BICC1: variants seen among roughly 807,000 people sequenced by gnomAD.
The protein encoded by BICC1 is BicC family RNA binding protein 1.
Under a neutral mutation model 111.0 loss-of-function variants are expected in BICC1, and 43 were observed. The observed-to-expected ratio is 0.39, with a 90% confidence interval of 0.30 to 0.50. The LOEUF is 0.50. Ranked by LOEUF, BICC1 falls within the 20% of genes least tolerant of loss-of-function variation. BICC1 has a pLI of 0.88. For synonymous variants in BICC1, 467 were observed against 434.4 expected (o/e 1.07, Z -0.93); for missense variants, 1,091 against 1,203.2 (o/e 0.91, Z 1.38).
At chr10:58,742,136 T>C (rs1841686706) in intron 3 of BICC1, among the ~76,000 whole-genome samples, 1 of 139,088 alleles carries the variant, frequency 7.2e-6, no homozygotes, top group Non-Finnish European at 1.5e-5. Flanking sequence ...TGTCTGAAAC[T>C]GCCAAAGTAG....
At chr10:58,713,851 G>A (rs972147269) in intron 3 of BICC1, among the ~76,000 whole-genome samples, 2 of 152,096 alleles carry the variant, frequency 1.3e-5, no homozygotes, top group African/African-American at 4.8e-5. Context: ...TGTTCTTCAT[G>A]GTATCTTTCT....
chr10:58,772,679 C>G (rs1305422751), intron 3 of BICC1, among the ~76,000 whole-genome samples: 1 of 152,126 alleles, frequency 6.6e-6, no homozygotes, highest in African/African-American at 2.4e-5. Context: ...TGCACGTGTA[C>G]ATAGTCTTTG....
intron 15 of BICC1, among the ~76,000 whole-genome samples, chr10:58,804,036 G>A (rs912940280): frequency 6.6e-6 from 1 of 152,152 alleles, no homozygotes; most frequent in African/African-American, 2.4e-5. Flanking sequence ...CAGAAAAGCT[G>A]TCATAGATGT....
intron 2 of BICC1, among the ~76,000 whole-genome samples, chr10:58,636,600 C>T (rs1837961140): frequency 6.7e-6 from 1 of 148,224 alleles, no homozygotes; most frequent in African/African-American, 2.6e-5. Context: ...CCTCCTCCTC[C>T]TTCTCCCTTT....
chr10:58,621,155 C>T (rs767984909), intron 2 of BICC1, among the ~76,000 whole-genome samples: 2 of 152,116 alleles, frequency 1.3e-5, no homozygotes, highest in Non-Finnish European at 2.9e-5. Context: ...TGTAAGAGGG[C>T]TCAGAGGTGG....
chr10:58,756,625 CCTTTTTT>C (rs1394072493), intron 3 of BICC1, among the ~76,000 whole-genome samples: 1 of 94,402 alleles, frequency 1.1e-5, no homozygotes, highest in Non-Finnish European at 2.0e-5. Flanking sequence ...CAACTACTAG[CCTTTTTT>C]TTTTTTTTTT....
At chr10:58,609,622 A>G (rs968903035) in intron 1 of BICC1, among the ~76,000 whole-genome samples, 2 of 152,230 alleles carry the variant, frequency 1.3e-5, no homozygotes, top group African/African-American at 2.4e-5. Flanking sequence ...AAGATTTTTT[A>G]CATTCTTTTT....
intron 3 of BICC1, among the ~76,000 whole-genome samples, chr10:58,762,875 T>C (rs1842355354): frequency 1.3e-5 from 2 of 151,426 alleles, no homozygotes; most frequent in African/African-American, 4.8e-5. Flanking sequence ...ATTTAAGCAA[T>C]TTCATCGTAA....
rs964849093 is a variant in BICC1 at position 58,684,850 on chromosome 10, G to GT, written c.238-17217dup. Among the ~76,000 whole-genome samples the GT allele has an allele frequency of 1.1e-4, 17 of 152,016 alleles. No individual in the cohort carries two copies. The East Asian group carries it at 2.9e-3, about 26-fold the overall frequency. On this transcript the variant is annotated intron_variant, in intron 2 of 20. Coordinates refer to ENST00000373886, the MANE Select transcript of BICC1 (RefSeq NM_001080512.3). ...CCTGAATTCATTGACTTTTTGAAGG[G>GT]TTTTTTTGTGTCTCTTATCTCCTTC...
At chr10:58,632,857 A>G (rs182306724) in intron 2 of BICC1, among the ~76,000 whole-genome samples, 6 of 119,974 alleles carry the variant, frequency 5.0e-5, no homozygotes, top group South Asian at 2.8e-4. Context: ...ATAGATAGAT[A>G]GATGGATAGA....
At chr10:58,788,499 T>C in intron 6 of BICC1, 76 bp downstream of exon 6, 2 of 1,024,730 alleles carry the variant, frequency 2.0e-6, no homozygotes, top group Non-Finnish European at 3.0e-6. Context: ...AATATAATAA[T>C]TTATCATTTT....
At chr10:58,613,006 T>C (rs1237230243) in intron 1 of BICC1, among the ~76,000 whole-genome samples, 1 of 152,210 alleles carries the variant, frequency 6.6e-6, no homozygotes, top group Non-Finnish European at 1.5e-5. Flanking sequence ...TTGCTGTTTT[T>C]ATTGGCAGTG....
chr10:58,787,577 G>C (rs1194278638), intron 5 of BICC1, among the ~76,000 whole-genome samples: 1 of 152,136 alleles, frequency 6.6e-6, no homozygotes, highest in African/African-American at 2.4e-5. Flanking sequence ...GAACTCACCT[G>C]TCCTCATGCA....
At chr10:58,579,947 T>C (rs571948572) in intron 1 of BICC1, among the ~76,000 whole-genome samples, 1 of 149,090 alleles carries the variant, frequency 6.7e-6, no homozygotes, top group Non-Finnish European at 1.5e-5. Context: ...ATGTGAGAAA[T>C]AATTATATTA....
rs1210475561 is a variant in BICC1, at chr10:58,813,859, C to A, written c.2406C>A (p.Asn802Lys). ...EGSSMSLSRS[N>K]SREHLGGGSE... ...CATCCATGTCCCTTTCACGGTCCAA[C>A]AGTCGTGAGCACTTGGGAGGTGGAA... Residue 802 changes from asparagine (N) to lysine (K), a missense_variant, in exon 18 of 21, where the codon AAC (asparagine) becomes AAA (lysine). This residue lies in a region of BICC1 where 231 missense variants were observed against 256.2 expected (regional missense o/e 0.90). Coordinates refer to ENST00000373886, the MANE Select transcript of BICC1 (RefSeq NM_001080512.3). 2 of 1,613,954 alleles carry A rather than the reference C, an allele frequency of 1.2e-6. No individual in the cohort carries two copies. Among genetic ancestry groups the A allele is most frequent in the African/African-American group, 1.3e-5 (1 of 75,042 alleles).
Position 58,793,515 on chromosome 10 carries a change from T to C in BICC1, c.1079T>C (p.Met360Thr), listed in dbSNP as rs1843245830. 1 of 1,612,858 alleles carries C rather than the reference T, an allele frequency of 6.2e-7. No homozygotes were observed. Among genetic ancestry groups the C allele is most frequent in the Admixed American group, 1.7e-5 (1 of 59,918 alleles). Reference protein sequence around the residue: ...GCLPLVLMFDMKEEIEVDPQF... With the variant: ...GCLPLVLMFDTKEEIEVDPQF... The stretch of plus-strand genomic sequence containing the variant: ...CTTCCTCTTGTGTTGATGTTTGATA[T>C]GAAGGAAGAAATTGAAGTAGATCCA... The change falls in exon 9 of 21, where the codon ATG becomes ACG. Residue 360 changes from methionine to threonine, a missense_variant. Transcript: ENST00000373886.
chr10:58,685,093 G>T (rs1839672828), intron 2 of BICC1, among the ~76,000 whole-genome samples: 1 of 152,184 alleles, frequency 6.6e-6, no homozygotes, highest in South Asian at 2.1e-4. Flanking sequence ...TGGTTTCAAA[G>T]AACATCTTTA....
intron 1 of BICC1, among the ~76,000 whole-genome samples, chr10:58,600,067 C>T (rs772523899): frequency 7.9e-5 from 12 of 152,008 alleles, no homozygotes; most frequent in African/African-American, 2.2e-4. Flanking sequence ...CTCACGTTCT[C>T]GTTTCCTAAT....
intron 1 of BICC1, 138 bp from the exon 2 acceptor site, chr10:58,620,717 G>T (rs933555179): frequency 4.5e-6 from 3 of 666,966 alleles, no homozygotes; most frequent in Admixed American, 5.4e-5. Flanking sequence ...TCCCAGTGAG[G>T]CATATTAGCA....
Sources: allele counts gnomAD v4.1 joint callset (sites outside exome capture counted in the v4.1 genomes callset), GRCh38; gene constraint gnomAD v4.1.1; regional missense constraint gnomAD v4.1.1; transcripts MANE v1.5; gene names NCBI Gene and HGNC (gene_info 2026-07-23, HGNC 2026-07-21).